The following OSBPL1A variants were observed in gnomAD, a reference collection of about 807,000 sequenced individuals.
OSBPL1A encodes oxysterol binding protein like 1A.
OSBPL1A carries 80 observed loss-of-function variants against 137.1 expected under a neutral mutation model. The observed-to-expected ratio is 0.58, with a 90% CI of 0.49 to 0.70. OSBPL1A has a LOEUF of 0.70. OSBPL1A is among the 30% of genes least tolerant of loss of function. OSBPL1A has a pLI of 0.00. For missense variants in OSBPL1A, 970 were observed against 1,129.4 expected (o/e 0.86, Z 2.02); for synonymous variants, 365 against 389.7 (o/e 0.94, Z 0.75).
chr18:24,280,857 G>C lies in OSBPL1A; in HGVS notation c.1266C>G (p.Phe422Leu), dbSNP rs748528501. ...AACTACCTACCCCTTCTTGTTTGGT[G>C]AAGAGATTAAGGCAATCAGTCAAAG... ...CVALTDCLNL[F>L]TKQEGVRNFK... Residue 422 changes from phenylalanine (F) to leucine (L), a missense_variant, in exon 15 of 28, where the codon TTC becomes TTG. Coordinates refer to ENST00000319481, the MANE Select transcript of OSBPL1A (RefSeq NM_080597.4). 3 of 1,591,874 alleles carry C rather than the reference G, an allele frequency of 1.9e-6. No homozygotes were observed. In the African/African-American group the frequency reaches 4.1e-5, roughly 22 times the overall value.
At chr18:24,214,387 G>A (rs1006199234) in intron 17 of OSBPL1A, among the ~76,000 whole-genome samples, 8 of 152,214 alleles carry the variant, frequency 5.3e-5, no homozygotes, top group Non-Finnish European at 1.2e-4. Context: ...AGGCTTCAAG[G>A]TGGTGAGCAC....
intron 1 of OSBPL1A, among the ~76,000 whole-genome samples, chr18:24,396,873 A>G (rs1388983306): frequency 6.6e-6 from 1 of 152,228 alleles, no homozygotes; most frequent in Non-Finnish European, 1.5e-5. Context: ...CAGGGCAAAG[A>G]CTGAAGTTTT....
intron 18 of OSBPL1A, among the ~76,000 whole-genome samples, chr18:24,184,689 G>T (rs754488516): frequency 6.6e-6 from 1 of 152,038 alleles, no homozygotes; most frequent in Non-Finnish European, 1.5e-5. Flanking sequence ...CTTGGGAAAC[G>T]GACACTATCT....
chr18:24,384,555 G>C (rs755714765), intron 1 of OSBPL1A, among the ~76,000 whole-genome samples: 2 of 148,404 alleles, frequency 1.3e-5, no homozygotes. Context: ...GTGACAGAGC[G>C]AGATCCTGTC....
intron 18 of OSBPL1A, among the ~76,000 whole-genome samples, chr18:24,183,799 G>A (rs1293771660): frequency 1.3e-5 from 2 of 152,128 alleles, no homozygotes; most frequent in Admixed American, 6.5e-5. Context: ...CCTTCACTGT[G>A]TTTTGGGGAT....
At chr18:24,314,779 C>T (rs1235197060) in intron 11 of OSBPL1A, among the ~76,000 whole-genome samples, 1 of 151,822 alleles carries the variant, frequency 6.6e-6, no homozygotes, top group Non-Finnish European at 1.5e-5. Context: ...GAGAGTAAGA[C>T]GGATCAGAAA....
chr18:24,324,601 T>TA (rs1568028180), intron 7 of OSBPL1A, among the ~76,000 whole-genome samples: 1 of 28,624 alleles, frequency 3.5e-5, no homozygotes, highest in Non-Finnish European at 6.4e-5. Flanking sequence ...TGAATATGAA[T>TA]ATAAAAAAAA....
chr18:24,201,847 G>A (rs947644452), intron 17 of OSBPL1A, among the ~76,000 whole-genome samples: 4 of 151,924 alleles, frequency 2.6e-5, no homozygotes, highest in African/African-American at 9.7e-5. Context: ...TTATCTACCC[G>A]CTGGACACTG....
chr18:24,305,424 AC>A (rs2090480504), intron 13 of OSBPL1A, among the ~76,000 whole-genome samples: 1 of 152,220 alleles, frequency 6.6e-6, no homozygotes, highest in South Asian at 2.1e-4. Context: ...TAAGTTGTGT[AC>A]AAAGTATGTC....
chr18:24,197,147 A>T (rs1019693456), intron 17 of OSBPL1A, among the ~76,000 whole-genome samples: 5 of 152,194 alleles, frequency 3.3e-5, no homozygotes, highest in African/African-American at 1.2e-4. Flanking sequence ...CAGGAGTTTA[A>T]GACCAGCCTG....
At chr18:24,338,762 G>T (rs1485921680) in intron 5 of OSBPL1A, among the ~76,000 whole-genome samples, 1 of 152,112 alleles carries the variant, frequency 6.6e-6, no homozygotes, top group Non-Finnish European at 1.5e-5. Flanking sequence ...CACCCAGGCT[G>T]GACCACACTG....
At chr18:24,304,268 T>G (rs996158804) in intron 13 of OSBPL1A, among the ~76,000 whole-genome samples, 1 of 152,078 alleles carries the variant, frequency 6.6e-6, no homozygotes, top group African/African-American at 2.4e-5. Context: ...TAAGGTAAAG[T>G]CAATTATAGA....
intron 1 of OSBPL1A, among the ~76,000 whole-genome samples, chr18:24,378,798 G>A (rs1221693597): frequency 6.6e-6 from 1 of 152,128 alleles, no homozygotes; most frequent in African/African-American, 2.4e-5. Context: ...CCCTCTATGA[G>A]ACTTAGCTGG....
intron 1 of OSBPL1A, among the ~76,000 whole-genome samples, chr18:24,382,356 G>A (rs941416320): frequency 2.7e-5 from 4 of 147,456 alleles, no homozygotes; most frequent in Middle Eastern, 3.6e-3. Context: ...GCAGTGAGCT[G>A]AGATTGTGCC....
intron 1 of OSBPL1A, among the ~76,000 whole-genome samples, chr18:24,390,167 G>C (rs1907222117): frequency 6.6e-6 from 1 of 152,054 alleles, no homozygotes; most frequent in Non-Finnish European, 1.5e-5. Flanking sequence ...ATAACAACAT[G>C]CAACTGTAAA....
intron 15 of OSBPL1A, among the ~76,000 whole-genome samples, chr18:24,242,135 G>A (rs377628125): frequency 1.4e-4 from 21 of 151,578 alleles, no homozygotes; most frequent in African/African-American, 4.9e-4. Flanking sequence ...GGGGGGTGGG[G>A]GGCAAGGAGA....
intron 1 of OSBPL1A, among the ~76,000 whole-genome samples, chr18:24,396,105 G>C (rs1907723938): frequency 6.6e-6 from 1 of 151,650 alleles, no homozygotes; most frequent in African/African-American, 2.4e-5. Flanking sequence ...TGTAATCCCA[G>C]CTACTTGGGA....
intron 18 of OSBPL1A, among the ~76,000 whole-genome samples, chr18:24,182,288 T>TGTTTACC (rs2145925275): frequency 6.6e-6 from 1 of 152,370 alleles, no homozygotes; most frequent in South Asian, 2.1e-4. Flanking sequence ...TGTTCAATTC[T>TGTTTACC]GTTTACCATG....
chr18:24,314,245 T>G lies in OSBPL1A; in HGVS notation c.969+4A>C, dbSNP rs760907605. On this transcript the variant is annotated splice_donor_region_variant and intron_variant, in intron 12 of 27. Transcript: ENST00000319481. The stretch of plus-strand genomic sequence containing the variant: ...AGGAAAGATACATGAATCCATAAGA[T>G]TACCTCTCTTGACTGCTGAAGGCTA... 2 of 1,571,914 alleles carry G rather than the reference T, an allele frequency of 1.3e-6. No individual in the cohort carries two copies. The highest frequency in any genetic ancestry group is 8.7e-7 in the Non-Finnish European group (1 of 1,153,612).
Sources: gnomAD v4.1 joint callset for allele counts (sites outside exome capture counted in the v4.1 genomes callset) on GRCh38, gnomAD v4.1.1 for gene constraint, MANE v1.5 for transcripts, NCBI Gene and HGNC (gene_info 2026-07-23, HGNC 2026-07-21) for gene names.